The following PSMA8 variants were observed in gnomAD, a reference collection of about 807,000 sequenced individuals.
PSMA8 encodes the protein proteasome 20S subunit alpha 8.
Under a neutral mutation model 32.4 loss-of-function variants are expected in PSMA8, and 18 were observed. The observed-to-expected ratio is 0.56, with a 90% CI of 0.38 to 0.82. PSMA8 has a LOEUF of 0.82. Ranked by LOEUF, PSMA8 falls within the 40% of genes least tolerant of loss-of-function variation. The pLI is 0.00. For synonymous variants in PSMA8, 104 were observed against 98.1 expected, an observed-to-expected ratio of 1.06 and a Z score of -0.36; for missense variants, 298 against 300.7, an observed-to-expected ratio of 0.99 and a Z score of 0.07.
At chr18:26,148,523 T>C (rs1568056696) in intron 2 of PSMA8, among the ~76,000 whole-genome samples, 1 of 152,112 alleles carries the variant, frequency 6.6e-6, no homozygotes, top group Non-Finnish European at 1.5e-5. Flanking sequence ...CACAACATAA[T>C]TCAGGCTATC....
intron 4 of PSMA8, among the ~76,000 whole-genome samples, chr18:26,176,707 C>T (rs2055266529): frequency 6.6e-6 from 1 of 151,862 alleles, no homozygotes. Context: ...CTGAGGCAGG[C>T]AGATCACCTG....
At chr18:26,147,828 A>G (rs2055016098) in intron 2 of PSMA8, among the ~76,000 whole-genome samples, 1 of 152,146 alleles carries the variant, frequency 6.6e-6, no homozygotes, top group Non-Finnish European at 1.5e-5. Flanking sequence ...ATTGACTAAG[A>G]AAAAAAGAGA....
chr18:26,171,206 C>T, intron 4 of PSMA8: 3 of 1,559,348 alleles, frequency 1.9e-6, no homozygotes, highest in Non-Finnish European at 2.6e-6. Context: ...CATTCCTGAG[C>T]GGTGGCCAGG....
intron 4 of PSMA8, among the ~76,000 whole-genome samples, chr18:26,163,221 A>G (rs1269929319): frequency 0.065 from 1,138 of 17,508 alleles, 52 homozygotes; most frequent in South Asian, 0.16. Flanking sequence ...GTGTATATAT[A>G]TATATATATA....
At chr18:26,166,144 A>G (rs569488542) in intron 4 of PSMA8, among the ~76,000 whole-genome samples, 1 of 152,224 alleles carries the variant, frequency 6.6e-6, no homozygotes, top group African/African-American at 2.4e-5. Flanking sequence ...AAACTGCAAC[A>G]TTATGAACTT....
At chr18:26,156,458 A>T (rs1381046229) in intron 3 of PSMA8, among the ~76,000 whole-genome samples, 3 of 152,128 alleles carry the variant, frequency 2.0e-5, no homozygotes, top group Non-Finnish European at 2.9e-5. Context: ...ATAGATACAC[A>T]ATTGAATACT....
At chr18:26,163,214 TA>T (rs2055149953) in intron 4 of PSMA8, among the ~76,000 whole-genome samples, 8 of 1,710 alleles carry the variant, frequency 4.7e-3, no homozygotes, top group African/African-American at 8.2e-3. Context: ...TGTGTGTGTG[TA>T]TATATATATA....
chr18:26,141,320 G>T (rs566128440), intron 1 of PSMA8, among the ~76,000 whole-genome samples: 3 of 151,976 alleles, frequency 2.0e-5, no homozygotes, highest in African/African-American at 7.2e-5. Flanking sequence ...AAAATACTTT[G>T]ATATTAACAT....
chr18:26,186,292 C>G (rs979892206), intron 6 of PSMA8, among the ~76,000 whole-genome samples: 8 of 144,896 alleles, frequency 5.5e-5, no homozygotes, highest in South Asian at 2.3e-4. Flanking sequence ...AAGTGAGGCT[C>G]TAGAGCTACC....
intron 3 of PSMA8, among the ~76,000 whole-genome samples, chr18:26,152,510 A>T (rs1025721269): frequency 6.6e-6 from 1 of 152,062 alleles, no homozygotes; most frequent in Non-Finnish European, 1.5e-5. Flanking sequence ...TTTTTTGTAC[A>T]GATGGGGTTT....
chr18:26,190,953 T>G (rs1405625756), intron 6 of PSMA8, among the ~76,000 whole-genome samples: 1 of 152,238 alleles, frequency 6.6e-6, no homozygotes, highest in African/African-American at 2.4e-5. Context: ...TAGTAATTGC[T>G]TGATGGGTAA....
intron 3 of PSMA8, among the ~76,000 whole-genome samples, chr18:26,152,198 A>T (rs1456336236): frequency 1.3e-5 from 2 of 152,214 alleles, no homozygotes; most frequent in Admixed American, 6.5e-5. Flanking sequence ...TGGGAATTAC[A>T]TTCAAATTTA....
intron 2 of PSMA8, among the ~76,000 whole-genome samples, chr18:26,148,312 ACAT>A (rs1178653149): frequency 6.6e-6 from 1 of 152,078 alleles, no homozygotes; most frequent in East Asian, 1.9e-4. Flanking sequence ...AAATAATAAT[ACAT>A]CATGACCAAT....
chr18:26,147,372 A>G (rs2055012470), intron 2 of PSMA8, among the ~76,000 whole-genome samples: 1 of 152,200 alleles, frequency 6.6e-6, no homozygotes, highest in Non-Finnish European at 1.5e-5. Context: ...CAATGAAAAA[A>G]ATCACAAGGG....
At position 26,133,900 on chromosome 18, in the gene PSMA8, C is replaced by A. The variant is rs568478105; in HGVS notation, c.-66C>A. 933 of 1,380,900 alleles carry A rather than the reference C, an allele frequency of 6.8e-4. 10 individuals carry two copies. In the South Asian group the frequency reaches 0.011, roughly 16 times the overall value. The allele number at this position is 1,380,900 out of a possible 1,614,324, so 85.5% of individuals were successfully genotyped here. A position where few individuals can be genotyped will look rare whatever the true frequency, so the allele number is the denominator to read the frequency against. On this transcript the variant is annotated 5_prime_UTR_variant, in exon 1 of 7. Coordinates refer to ENST00000415576, the MANE Select transcript of PSMA8 (RefSeq NM_001025096.2). ...GGGCGGTAGCACGCTGTGTTGGCGG[C>A]GGCTCCCCGCTTGCCTCAGCTGCAG... is the stretch of plus-strand genomic sequence containing the variant.
At chr18:26,158,611 C>T (rs1027748323) in intron 4 of PSMA8, among the ~76,000 whole-genome samples, 9 of 152,152 alleles carry the variant, frequency 5.9e-5, no homozygotes, top group African/African-American at 1.9e-4. Context: ...TAAATTCATA[C>T]TGAAATATTT....
At position 26,179,026 on chromosome 18, in the gene PSMA8, A is replaced by C. The variant is rs1396934228; in HGVS notation, c.598-42A>C. On this transcript the variant is annotated intron_variant, in intron 5 of 6. Coordinates refer to ENST00000415576, the MANE Select transcript of PSMA8 (RefSeq NM_001025096.2). ...TCCATTTTTGTTTATTAAACACAAA[A>C]TTTGCTGAAATAATTCTAATAGTGT... The C allele has an allele frequency of 6.8e-6, 11 of 1,606,244 alleles. No homozygotes were observed. In the East Asian group the frequency reaches 2.5e-4, roughly 36 times the overall value.
intron 1 of PSMA8, among the ~76,000 whole-genome samples, chr18:26,137,318 G>A (rs941064802): frequency 6.6e-6 from 1 of 152,176 alleles, no homozygotes; most frequent in Non-Finnish European, 1.5e-5. Flanking sequence ...AATTAGCTGA[G>A]CATGGTGGTG....
chr18:26,159,831 A>C (rs1035400984), intron 4 of PSMA8, among the ~76,000 whole-genome samples: 2 of 152,092 alleles, frequency 1.3e-5, no homozygotes, highest in Non-Finnish European at 2.9e-5. Flanking sequence ...ATACACGTGG[A>C]TACCCCACTG....
Sources: allele counts gnomAD v4.1 joint callset (sites outside exome capture counted in the v4.1 genomes callset), GRCh38; gene constraint gnomAD v4.1.1; transcripts MANE v1.5; gene names NCBI Gene and HGNC (gene_info 2026-07-23, HGNC 2026-07-21).